The following CRIP1 variants were observed in gnomAD, a reference collection of about 807,000 sequenced individuals.
CRIP1 encodes cysteine-rich protein 1.
Under a neutral mutation model 12.9 loss-of-function variants are expected in CRIP1, and 11 were observed. That is an observed-to-expected ratio of 0.86 (90% CI 0.54 to 1.42). The LOEUF (loss-of-function observed/expected upper bound fraction) is 1.42. CRIP1 is among the 40% of genes most tolerant of loss of function. The probability of loss-of-function intolerance (pLI) is 0.00; values close to 1 mark genes in which losing one functional copy is unlikely to be tolerated. For synonymous variants in CRIP1, 41 were observed against 37.2 expected (o/e 1.10, Z -0.37); for missense variants, 122 against 101.3 (o/e 1.20, Z -0.88).
chr14:105,487,871 C>T (rs1158755579), intron 2 of CRIP1: 13 of 458,552 alleles, frequency 2.8e-5, no homozygotes, highest in Non-Finnish European at 5.2e-5. Flanking sequence ...GACCCCTGAC[C>T]CTCGGCCTCG....
rs1595464519 is a variant in CRIP1, at chr14:105,488,088, G to A, written c.41-78G>A. On this transcript the variant is annotated intron_variant, in intron 2 of 5. Transcript: ENST00000392531. ...CACAGGGCCTTGGGCAGAGCTGGCTGCAAGAGGCGGGTACGCCAGTGGTGG... is the reference window on the plus strand; with the variant it reads ...CACAGGGCCTTGGGCAGAGCTGGCTACAAGAGGCGGGTACGCCAGTGGTGG... 11 of 1,485,558 alleles carry A rather than the reference G, an allele frequency of 7.4e-6. 1 individual carries two copies. The East Asian group carries it at 1.4e-4, about 18-fold the overall frequency. The allele number at this position is 1,485,558 out of a possible 1,614,324, so 92.0% of individuals were successfully genotyped here. A position where few individuals can be genotyped will look rare whatever the true frequency, so the allele number is the denominator to read the frequency against.
At position 105,488,941 on chromosome 14, in the gene CRIP1, G is replaced by A. The variant is rs770935689; in HGVS notation, c.*284G>A. The stretch of plus-strand genomic sequence containing the variant: ...AGGGTCTCATAGGCGAGGGCTCCCT[G>A]TGCAGGGTGAGTCCAGGCCACCCTA... On this transcript the variant is annotated 3_prime_UTR_variant, in exon 6 of 6. Transcript: ENST00000392531. 14 of 205,676 alleles carry A rather than the reference G, an allele frequency of 6.8e-5. No homozygotes were observed. The highest frequency in any genetic ancestry group is 1.3e-4 in the Non-Finnish European group (13 of 100,034). The allele number at this position is 205,676 out of a possible 1,614,324, so 12.7% of individuals were successfully genotyped here.
rs587751664 is a variant in CRIP1 at position 105,488,167 on chromosome 14, C to G, written c.42C>G (p.Ala14=). Residue 14 remains alanine (A), a splice_region_variant and synonymous_variant, in exon 3 of 6, where the codon GCC becomes GCG. Coordinates refer to ENST00000392531, the MANE Select transcript of CRIP1 (RefSeq NM_001311.5). ...CGGGGCCTGTCTGTGCCTCTGCAGC[C>G]GAGAGGGTGACCTCTCTGGGCAAGG... The part of the protein sequence containing the change: ...CPKCNKEVYF[A]ERVTSLGKDW... 3.1e-6 allele frequency: 5 copies of G among 1,612,052 alleles called. No individual in the cohort carries two copies. In the African/African-American group the frequency reaches 5.3e-5, roughly 17 times the overall value.
chr14:105,488,125 G>A lies in CRIP1; in HGVS notation c.41-41G>A, dbSNP rs371419262. The A allele has an allele frequency of 5.2e-5, 83 of 1,588,430 alleles. No homozygotes were observed. The African/African-American group carries it at 7.6e-4, about 15-fold the overall frequency. On this transcript the variant is annotated intron_variant, in intron 2 of 5. Transcript: ENST00000392531. Reference sequence around the variant, plus strand: ...TACGCCAGTGGTGGGTAGGCGCCGCGTCCTGCAGCGTCTCACCGGGGCCTG... The same window carrying A: ...TACGCCAGTGGTGGGTAGGCGCCGCATCCTGCAGCGTCTCACCGGGGCCTG...
chr14:105,487,722 G>T (rs2084134383), intron 2 of CRIP1: 3 of 199,026 alleles, frequency 1.5e-5, no homozygotes, highest in Non-Finnish European at 2.0e-5. Flanking sequence ...CCGCGCCCGC[G>T]CGCCCCGAGG....
At position 105,486,916 on chromosome 14, in the gene CRIP1, TCA is replaced by T; in HGVS notation, c.-115_-114del. On this transcript the variant is annotated 5_prime_UTR_variant, in exon 1 of 6. Coordinates refer to ENST00000392531, the MANE Select transcript of CRIP1 (RefSeq NM_001311.5). ...GCCTCGGAACTGGACCCGGGAGACA[TCA>T]CAGCGCTGGGCTAGGGGCGCGGCTT... The T allele has an allele frequency of 2.7e-6, 3 of 1,117,362 alleles. No individual in the cohort carries two copies. Among genetic ancestry groups the T allele is most frequent in the Non-Finnish European group, 3.3e-6 (3 of 913,776 alleles). The allele number at this position is 1,117,362 out of a possible 1,614,324, so 69.2% of individuals were successfully genotyped here. A position where few individuals can be genotyped will look rare whatever the true frequency, so the allele number is the denominator to read the frequency against.
chr14:105,488,016 T>C, intron 2 of CRIP1, 150 bp from the exon 3 acceptor site: 1 of 703,610 alleles, frequency 1.4e-6, no homozygotes, highest in Non-Finnish European at 2.4e-6. Flanking sequence ...TGGAGGGTGC[T>C]GAGACCTTAG....
Position 105,488,708 on chromosome 14 carries a change from G to A in CRIP1, c.*51G>A. 3 of 630,210 alleles carry A rather than the reference G, an allele frequency of 4.8e-6. No homozygotes were observed. The highest frequency in any genetic ancestry group is 5.6e-6 in the Non-Finnish European group (2 of 358,008). 39.0% of individuals were successfully genotyped at this position (630,210 alleles called of 1,614,324 possible). A position where few individuals can be genotyped will look rare whatever the true frequency, so the allele number is the denominator to read the frequency against. On this transcript the variant is annotated 3_prime_UTR_variant, in exon 6 of 6. Transcript: ENST00000392531. ...GGCTGCTTGCAGGGCCACTGTCCAG[G>A]CAAATGCCAGGCCTTGTCCCCAGAT...
rs1204290801 is a variant in CRIP1, at chr14:105,487,286, G to A, written c.27G>A (p.Lys9=). The change falls in exon 2 of 6, where the codon AAG becomes AAA. Residue 9 remains lysine (K), a synonymous_variant. Coordinates refer to ENST00000392531, the MANE Select transcript of CRIP1 (RefSeq NM_001311.5). Reference sequence around the variant, plus strand: ...TGCCCAAGTGTCCCAAGTGCAACAAGGAGGTGTACTTCGGTGAGCGCGCCC... The same window carrying A: ...TGCCCAAGTGTCCCAAGTGCAACAAAGAGGTGTACTTCGGTGAGCGCGCCC... MPKCPKCN[K]EVYFAERVTS... 7.1e-6 allele frequency: 11 copies of A among 1,544,542 alleles called. No homozygotes were observed. The Admixed American group carries it at 7.9e-5, about 11-fold the overall frequency.
At chr14:105,487,843 C>T in intron 2 of CRIP1, 1 of 374,984 alleles carries the variant, frequency 2.7e-6, no homozygotes, top group South Asian at 3.5e-5. Flanking sequence ...AGGCCCAGGC[C>T]CTGCTGACCT....
chr14:105,487,595 G>C, intron 2 of CRIP1: 1 of 359,542 alleles, frequency 2.8e-6, no homozygotes, highest in Non-Finnish European at 5.0e-6. Context: ...CGCCCTGAGT[G>C]GGGGACCCGC....
At chr14:105,488,109 G>A in intron 2 of CRIP1, 57 bp from the exon 3 acceptor site, 3 of 1,552,156 alleles carry the variant, frequency 1.9e-6, no homozygotes, top group South Asian at 1.2e-5. Context: ...GTACGCCAGT[G>A]GTGGGTAGGC....
At chr14:105,487,904 C>A (rs2084136933) in intron 2 of CRIP1, 1 of 524,050 alleles carries the variant, frequency 1.9e-6, no homozygotes, top group Non-Finnish European at 3.5e-6. Context: ...ACCCAGCCTT[C>A]AGGAGCAAGA....
At chr14:105,487,977 G>C in intron 2 of CRIP1, 189 bp from the exon 3 acceptor site, 2 of 604,880 alleles carry the variant, frequency 3.3e-6, no homozygotes, top group Non-Finnish European at 2.9e-6. Context: ...TAGTTGTATT[G>C]GCTCTGGGGA....
rs1555438493 is a variant in CRIP1, at chr14:105,488,330, G to A, written c.136-1G>A. 1 of 1,613,502 alleles carries A rather than the reference G, an allele frequency of 6.2e-7. No individual in the cohort carries two copies. The highest frequency in any genetic ancestry group is 8.5e-7 in the Non-Finnish European group (1 of 1,180,004). ...CCCCCTCACGGCCCTTCTCTTTGCA[G>A]CACGAAGGCAAACCCTACTGCAACC... On this transcript the variant is annotated splice_acceptor_variant, in intron 3 of 5. Coordinates refer to ENST00000392531, the MANE Select transcript of CRIP1 (RefSeq NM_001311.5). LOFTEE classifies it high-confidence loss of function.
At chr14:105,487,967 T>C (rs1314275408) in intron 2 of CRIP1, 199 bp from the exon 3 acceptor site, 22 of 588,150 alleles carry the variant, frequency 3.7e-5, no homozygotes, top group Non-Finnish European at 5.4e-5. Flanking sequence ...GCGCTTTGTT[T>C]AGTTGTATTG....
At chr14:105,488,113 G>A in intron 2 of CRIP1, 53 bp from the exon 3 acceptor site, 1 of 1,561,894 alleles carries the variant, frequency 6.4e-7, no homozygotes, top group Non-Finnish European at 8.7e-7. Flanking sequence ...GCCAGTGGTG[G>A]GTAGGCGCCG....
Position 105,488,353 on chromosome 14 carries a change from A to G in CRIP1, c.158A>G (p.Asn53Ser). 6.2e-7 allele frequency: 1 copy of G among 1,613,356 alleles called. No homozygotes were observed. The highest frequency in any genetic ancestry group is 8.5e-7 in the Non-Finnish European group (1 of 1,179,980). Residue 53 changes from asparagine to serine, a missense_variant, in exon 4 of 6, where the codon AAC becomes AGC. Physicochemically the swap from Asn to Ser is conservative, Grantham distance 46 (BLOSUM62 1). Coordinates refer to ENST00000392531, the MANE Select transcript of CRIP1 (RefSeq NM_001311.5). ...CAGCACGAAGGCAAACCCTACTGCA[A>G]CCACCCCTGCTACGCAGCCATGTTT... is the stretch of plus-strand genomic sequence containing the variant. ...HAEHEGKPYC[N>S]HPCYAAMFGP...
In CRIP1 at chr14:105,487,219, C is replaced by T. The variant is rs992856816; in HGVS notation, c.-41C>T. 8 of 1,539,910 alleles carry T rather than the reference C, an allele frequency of 5.2e-6. No homozygotes were observed. The highest frequency in any genetic ancestry group is 1.7e-6 in the Non-Finnish European group (2 of 1,143,102). On this transcript the variant is annotated 5_prime_UTR_variant, in exon 2 of 6. Coordinates refer to ENST00000392531, the MANE Select transcript of CRIP1 (RefSeq NM_001311.5). ...CCCAGTCTCGCGCCTGCAGCCCGTGCCGCCCCAGCCGCTGCCGCCTGCACC... is the reference window on the plus strand; with the variant it reads ...CCCAGTCTCGCGCCTGCAGCCCGTGTCGCCCCAGCCGCTGCCGCCTGCACC...
Sources: allele counts gnomAD v4.1 joint callset, GRCh38; gene constraint gnomAD v4.1.1; transcripts MANE v1.5; gene names NCBI Gene and HGNC (gene_info 2026-07-23, HGNC 2026-07-21).